The following ABCA13 variants were observed in gnomAD, a reference collection of about 807,000 sequenced individuals.
The protein encoded by ABCA13 is ATP binding cassette subfamily A member 13.
In ABCA13, 476 loss-of-function variants were observed where a neutral mutation model predicts 478.7. The observed-to-expected ratio is 0.99, with a 90% CI of 0.92 to 1.07. The LOEUF (loss-of-function observed/expected upper bound fraction) is 1.07. ABCA13 is among the 50% of genes least tolerant of loss of function. ABCA13 has a pLI of 0.00. For missense variants in ABCA13, 6,060 were observed against 5,910.6 expected, an observed-to-expected ratio of 1.03 and a Z score of -0.83; for synonymous variants, 2,252 against 2,158.9, an observed-to-expected ratio of 1.04 and a Z score of -1.20.
At chr7:48,198,193 G>T in intron 2 of ABCA13, 44 bp from the exon 3 acceptor site, 1 of 1,546,754 alleles carries the variant, frequency 6.5e-7, no homozygotes, top group Non-Finnish European at 8.7e-7. Flanking sequence ...TCCATTTCTG[G>T]TAGCAGGTAT....
chr7:48,322,568 A>G (rs1432064194), intron 27 of ABCA13, among the ~76,000 whole-genome samples: 7 of 152,090 alleles, frequency 4.6e-5, no homozygotes, highest in Non-Finnish European at 1.0e-4. Flanking sequence ...TGTCCTCTCA[A>G]TGCCCAGGGC....
At chr7:48,368,632 T>C (rs1289134472) in intron 32 of ABCA13, among the ~76,000 whole-genome samples, 2 of 149,990 alleles carry the variant, frequency 1.3e-5, no homozygotes, top group African/African-American at 4.9e-5. Context: ...CTGAATGCTA[T>C]TATTTCATTC....
chr7:48,490,597 A>T (rs1309596404), intron 48 of ABCA13, among the ~76,000 whole-genome samples: 1 of 141,962 alleles, frequency 7.0e-6, no homozygotes, highest in Non-Finnish European at 1.6e-5. Context: ...CAGAAGTTTG[A>T]CTGAGGTCAG....
At chr7:48,458,655 A>G (rs1278657884) in intron 43 of ABCA13, among the ~76,000 whole-genome samples, 1 of 152,192 alleles carries the variant, frequency 6.6e-6, no homozygotes, top group Non-Finnish European at 1.5e-5. Flanking sequence ...CAGAATACAA[A>G]TCTTCATAAA....
chr7:48,202,842 G>A (rs1422751427), intron 3 of ABCA13, among the ~76,000 whole-genome samples: 16 of 152,274 alleles, frequency 1.1e-4, no homozygotes, highest in African/African-American at 3.6e-4. Context: ...GAGCCCAGCT[G>A]GCTTCACCCA....
intron 20 of ABCA13, among the ~76,000 whole-genome samples, chr7:48,290,422 C>A (rs747732306): frequency 2.0e-5 from 3 of 152,108 alleles, no homozygotes; most frequent in African/African-American, 4.8e-5. Flanking sequence ...GGTGGTTTTA[C>A]CTGATCCCAA....
At chr7:48,481,569 T>C (rs1273039625) in intron 46 of ABCA13, among the ~76,000 whole-genome samples, 1 of 93,184 alleles carries the variant, frequency 1.1e-5, no homozygotes, top group Non-Finnish European at 2.3e-5. Flanking sequence ...TAAGAGCAGA[T>C]AAGTTTACAG....
At chr7:48,322,548 C>T (rs926674042) in intron 27 of ABCA13, among the ~76,000 whole-genome samples, 1 of 152,134 alleles carries the variant, frequency 6.6e-6, no homozygotes, top group Non-Finnish European at 1.5e-5. Flanking sequence ...CTCCCTGTTC[C>T]CACTCTCCCT....
In ABCA13 at chr7:48,644,640, A is replaced by G; in HGVS notation, c.14967A>G (p.Glu4989=). The stretch of plus-strand genomic sequence containing the variant: ...AGGGACAGCACCTGAATTTATTAGA[A>G]TATCATGTGCCAAAAAGATGGGGAT... ...QFKGQHLNLL[E]YHVPKRWGCL... Residue 4989 remains glutamate (E), a synonymous_variant, in exon 61 of 62, where the codon GAA becomes GAG. Coordinates refer to ENST00000435803, the MANE Select transcript of ABCA13 (RefSeq NM_152701.5). 2 of 1,609,672 alleles carry G rather than the reference A, an allele frequency of 1.2e-6. No individual in the cohort carries two copies. The highest frequency in any genetic ancestry group is 2.2e-5 in the East Asian group (1 of 44,732).
Position 48,333,424 on chromosome 7 carries a change from A to G in ABCA13, c.10000-1998A>G, listed in dbSNP as rs181253638. Among the ~76,000 whole-genome samples, 13 of 152,286 alleles carry G rather than the reference A, an allele frequency of 8.5e-5. No homozygotes were observed. The East Asian group carries it at 2.5e-3, about 29-fold the overall frequency. The stretch of plus-strand genomic sequence containing the variant: ...TTAAAACACTAGCCAGGTTATTCCA[A>G]TATCTGATGTGTCTCAATATTGGCA... On this transcript the variant is annotated intron_variant, in intron 27 of 61. Coordinates refer to ENST00000435803, the MANE Select transcript of ABCA13 (RefSeq NM_152701.5).
At chr7:48,633,939 GATA>G (rs1794408017) in intron 59 of ABCA13, among the ~76,000 whole-genome samples, 1 of 99,836 alleles carries the variant, frequency 1.0e-5, no homozygotes, top group Non-Finnish European at 2.3e-5. Flanking sequence ...TACATAGATA[GATA>G]GATAGATAGA....
chr7:48,346,407 A>G (rs758019285), intron 29 of ABCA13, among the ~76,000 whole-genome samples: 6 of 152,052 alleles, frequency 3.9e-5, no homozygotes, highest in Non-Finnish European at 8.8e-5. Context: ...CTTATAGTGC[A>G]GCCTATTCCA....
chr7:48,389,825 A>G (rs1036087810), intron 37 of ABCA13, among the ~76,000 whole-genome samples: 8 of 152,242 alleles, frequency 5.3e-5, no homozygotes, highest in Admixed American at 3.9e-4. Context: ...TTAAACTACT[A>G]AAATTATGAA....
At chr7:48,353,777 C>T (rs1455004199) in intron 31 of ABCA13, among the ~76,000 whole-genome samples, 1 of 151,952 alleles carries the variant, frequency 6.6e-6, no homozygotes, top group East Asian at 1.9e-4. Flanking sequence ...CCTGATTGAA[C>T]TCATCTTGGG....
intron 55 of ABCA13, among the ~76,000 whole-genome samples, chr7:48,548,218 A>G (rs1166825968): frequency 2.6e-5 from 4 of 151,972 alleles, no homozygotes; most frequent in African/African-American, 7.2e-5. Context: ...ATATTTCTAT[A>G]TTCCTATCCC....
At chr7:48,529,125 C>T (rs1197319968) in intron 55 of ABCA13, among the ~76,000 whole-genome samples, 4 of 152,160 alleles carry the variant, frequency 2.6e-5, no homozygotes, top group Non-Finnish European at 4.4e-5. Flanking sequence ...CCTTTTTCCC[C>T]TGCTCTGATC....
intron 56 of ABCA13, among the ~76,000 whole-genome samples, chr7:48,580,591 G>A (rs190804829): frequency 7.9e-5 from 12 of 152,308 alleles, no homozygotes; most frequent in Admixed American, 7.8e-4. Flanking sequence ...ATCTGTGTGA[G>A]GCAGTCATGT....
intron 31 of ABCA13, 40 bp downstream of exon 31, chr7:48,352,527 G>C: frequency 6.6e-7 from 1 of 1,510,978 alleles, no homozygotes; most frequent in East Asian, 2.4e-5. Context: ...AGTGAGAAGG[G>C]CCTTGCATTT....
intron 56 of ABCA13, among the ~76,000 whole-genome samples, chr7:48,581,126 G>T (rs1052511347): frequency 6.6e-6 from 1 of 152,072 alleles, no homozygotes; most frequent in Admixed American, 6.5e-5. Context: ...TCTGGGGTGC[G>T]TGCTCCTCAG....
Sources: allele counts gnomAD v4.1 joint callset (sites outside exome capture counted in the v4.1 genomes callset), GRCh38; gene constraint gnomAD v4.1.1; transcripts MANE v1.5; gene names NCBI Gene and HGNC (gene_info 2026-07-23, HGNC 2026-07-21).